The following KCNQ3 variants were observed in gnomAD, a reference collection of about 807,000 sequenced individuals.
KCNQ3 encodes the protein potassium voltage-gated channel subfamily KQT member 3.
KCNQ3 carries 30 observed loss-of-function variants against 92.5 expected under a neutral mutation model. That is an observed-to-expected ratio of 0.32 (90% CI 0.24 to 0.44). The LOEUF (loss-of-function observed/expected upper bound fraction) is 0.44, where lower values mean the gene tolerates loss of function less well. Among genes scored for constraint, KCNQ3 ranks in the 20% least tolerant of loss-of-function variants. The pLI is 1.00. For missense variants in KCNQ3, 913 were observed against 1,140.3 expected, an observed-to-expected ratio of 0.80 and a Z score of 2.87; for synonymous variants, 450 against 468.8, an observed-to-expected ratio of 0.96 and a Z score of 0.52.
chr8:132,288,134 T>A (rs1472775488), intron 1 of KCNQ3, among the ~76,000 whole-genome samples: 1 of 152,226 alleles, frequency 6.6e-6, no homozygotes, highest in Non-Finnish European at 1.5e-5. Context: ...TTCCATATTT[T>A]GTGTTACTCC....
At chr8:132,400,383 C>G (rs1460269482) in intron 1 of KCNQ3, among the ~76,000 whole-genome samples, 1 of 152,182 alleles carries the variant, frequency 6.6e-6, no homozygotes, top group Non-Finnish European at 1.5e-5. Flanking sequence ...GTGCTCAAGT[C>G]TGCGTTTCAT....
At position 132,129,270 on chromosome 8, in the gene KCNQ3, G is replaced by C. The variant is rs200647826; in HGVS notation, c.2611C>G (p.Pro871Ala). The change falls in exon 15 of 15, where the codon CCC (proline) becomes GCC (alanine). Residue 871 changes from proline (P) to alanine (A), a missense_variant. This residue lies in a region of KCNQ3 where 375 missense variants were observed against 376.4 expected (regional missense o/e 1.00). Coordinates refer to ENST00000388996, the MANE Select transcript of KCNQ3 (RefSeq NM_004519.4). This position sits in a 1 kb window ranked among gnomAD's most constrained non-coding sequence, Gnocchi z 5.9. ...TCAGCCAGTGACCTCTTTTAAATGG[G>C]CTTATTGGAAGGGGTCCATACTGAA... ...SDSVWTPSNK[P>A]I 86 of 1,611,490 alleles carry C rather than the reference G, an allele frequency of 5.3e-5. No homozygotes were observed. Among genetic ancestry groups the C allele is most frequent in the Non-Finnish European group, 7.0e-5 (83 of 1,180,016 alleles).
chr8:132,246,450 G>A (rs1459824932), intron 1 of KCNQ3, among the ~76,000 whole-genome samples: 1 of 152,144 alleles, frequency 6.6e-6, no homozygotes, highest in Non-Finnish European at 1.5e-5. Flanking sequence ...TGGAGTTTTC[G>A]TTTCTTTTAT....
At chr8:132,145,678 TATA>T (rs1408396381) in intron 9 of KCNQ3, among the ~76,000 whole-genome samples, 1 of 152,158 alleles carries the variant, frequency 6.6e-6, no homozygotes, top group Non-Finnish European at 1.5e-5. Flanking sequence ...CAAGAAGACA[TATA>T]ATAAGTAAAC....
chr8:132,308,472 T>C (rs543914075), intron 1 of KCNQ3, among the ~76,000 whole-genome samples: 14 of 152,092 alleles, frequency 9.2e-5, no homozygotes, highest in African/African-American at 3.1e-4. Context: ...AATAGAAGCA[T>C]TGAGGAGCCA....
At chr8:132,170,522 A>G in intron 7 of KCNQ3, 94 bp from the exon 8 acceptor site, 1 of 810,206 alleles carries the variant, frequency 1.2e-6, no homozygotes, top group South Asian at 1.4e-5. Context: ...TAAGCCCTGG[A>G]CTCCTAAGAA....
At chr8:132,384,156 G>A (rs1819832624) in intron 1 of KCNQ3, among the ~76,000 whole-genome samples, 2 of 152,104 alleles carry the variant, frequency 1.3e-5, no homozygotes, top group Admixed American at 1.3e-4. Context: ...GTCTTTGCTA[G>A]GTCTGTTTCC....
intron 1 of KCNQ3, among the ~76,000 whole-genome samples, chr8:132,283,705 T>C (rs1296367828): frequency 6.6e-6 from 1 of 152,236 alleles, no homozygotes; most frequent in Non-Finnish European, 1.5e-5. Context: ...GGTTTGAACA[T>C]GCTCTAAAAA....
At chr8:132,273,685 C>T (rs997848987) in intron 1 of KCNQ3, among the ~76,000 whole-genome samples, 3 of 152,076 alleles carry the variant, frequency 2.0e-5, no homozygotes, top group African/African-American at 4.8e-5. Flanking sequence ...CTCTGCTTCC[C>T]TTATAAAACT....
At chr8:132,308,735 T>C (rs2130605409) in intron 1 of KCNQ3, among the ~76,000 whole-genome samples, 1 of 152,332 alleles carries the variant, frequency 6.6e-6, no homozygotes, top group Middle Eastern at 3.4e-3. Flanking sequence ...CATGTAATTC[T>C]CACAATAACC....
intron 1 of KCNQ3, among the ~76,000 whole-genome samples, chr8:132,422,679 C>A (rs765466217): frequency 6.6e-6 from 1 of 152,188 alleles, no homozygotes; most frequent in East Asian, 1.9e-4. Context: ...ATCTCAGGGA[C>A]GCCTCCTCCC....
At chr8:132,337,242 G>C (rs200190772) in intron 1 of KCNQ3, among the ~76,000 whole-genome samples, 3 of 152,182 alleles carry the variant, frequency 2.0e-5, no homozygotes, top group Non-Finnish European at 4.4e-5. Context: ...CCAGCACTTT[G>C]GCAGTCCAAG....
At chr8:132,371,402 G>C (rs1471459660) in intron 1 of KCNQ3, among the ~76,000 whole-genome samples, 1 of 152,146 alleles carries the variant, frequency 6.6e-6, no homozygotes, top group Non-Finnish European at 1.5e-5. Context: ...GCTCTAAATG[G>C]GACTAAGAGT....
At chr8:132,421,742 T>A (rs886942713) in intron 1 of KCNQ3, among the ~76,000 whole-genome samples, 1 of 152,222 alleles carries the variant, frequency 6.6e-6, no homozygotes, top group African/African-American at 2.4e-5. Flanking sequence ...CCTACCAGGA[T>A]GCGAGACACT....
chr8:132,378,942 G>A (rs181760000), intron 1 of KCNQ3, among the ~76,000 whole-genome samples: 73 of 152,290 alleles, frequency 4.8e-4, no homozygotes, highest in African/African-American at 1.4e-3. Context: ...AAATATGAGA[G>A]GAACTCACAG....
chr8:132,389,617 T>C (rs58290366), intron 1 of KCNQ3, among the ~76,000 whole-genome samples: 24,216 of 152,198 alleles, frequency 0.16, 2,275 homozygotes, highest in African/African-American at 0.26. Context: ...ATGTAGAGAC[T>C]AGAGTACTCA....
chr8:132,240,889 A>ATTT (rs34829586), intron 1 of KCNQ3, among the ~76,000 whole-genome samples: 1 of 149,930 alleles, frequency 6.7e-6, no homozygotes, highest in Non-Finnish European at 1.5e-5. Flanking sequence ...GCTAGCTACA[A>ATTT]TTTTTTTTTT....
chr8:132,226,707 G>C (rs1351447009), intron 1 of KCNQ3, among the ~76,000 whole-genome samples: 2 of 152,126 alleles, frequency 1.3e-5, no homozygotes, highest in Non-Finnish European at 2.9e-5. Context: ...AAGTGTCAGT[G>C]AGCTCCTGGA....
intron 1 of KCNQ3, among the ~76,000 whole-genome samples, chr8:132,445,528 C>T (rs1332767864): frequency 1.4e-5 from 2 of 142,734 alleles, no homozygotes; most frequent in African/African-American, 5.0e-5. Context: ...AACTGAGGCA[C>T]TAAGATCAAG....
Sources: gnomAD v4.1 joint callset for allele counts (sites outside exome capture counted in the v4.1 genomes callset) on GRCh38, gnomAD v4.1.1 for gene constraint, gnomAD v4.1.1 regional missense constraint, Gnocchi (gnomAD v3.1) non-coding constraint, MANE v1.5 for transcripts, NCBI Gene and HGNC (gene_info 2026-07-23, HGNC 2026-07-21) for gene names.